The following RORB variants were observed in gnomAD, a reference collection of about 807,000 sequenced individuals.
RORB encodes nuclear receptor ROR-beta.
Under a neutral mutation model 59.1 loss-of-function variants are expected in RORB, and 6 were observed. The ratio of observed to expected loss-of-function variants is 0.10; its 90% CI spans 0.06 to 0.20. RORB has a LOEUF of 0.20. RORB is among the 10% of genes least tolerant of loss of function. The pLI is 1.00. For synonymous variants in RORB, 215 were observed against 204.5 expected, an observed-to-expected ratio of 1.05 and a Z score of -0.44; for missense variants, 320 against 560.5, an observed-to-expected ratio of 0.57 and a Z score of 4.33.
chr9:74,640,712 G>A (rs974601137), intron 3 of RORB, among the ~76,000 whole-genome samples: 1 of 152,166 alleles, frequency 6.6e-6, no homozygotes, highest in East Asian at 1.9e-4. Flanking sequence ...CCAAGTGAAT[G>A]CGACACTTGC....
At chr9:74,575,448 GAAGCCCCC>G (rs1208672801) in intron 1 of RORB, among the ~76,000 whole-genome samples, 2 of 152,072 alleles carry the variant, frequency 1.3e-5, no homozygotes, top group Non-Finnish European at 2.9e-5. Flanking sequence ...AAACTTTTCT[GAAGCCCCC>G]TGAGCAGTAC....
intron 1 of RORB, among the ~76,000 whole-genome samples, chr9:74,564,580 T>C (rs1218122827): frequency 6.6e-6 from 1 of 152,234 alleles, no homozygotes; most frequent in Non-Finnish European, 1.5e-5. Flanking sequence ...GCTCTGTTTT[T>C]CTTCCCCATT....
chr9:74,564,009 C>T (rs1245400133), intron 1 of RORB, among the ~76,000 whole-genome samples: 1 of 152,208 alleles, frequency 6.6e-6, no homozygotes, highest in African/African-American at 2.4e-5. Context: ...GGAGAATAGC[C>T]ACTGCAAAAT....
At chr9:74,531,795 T>C (rs936447915) in intron 1 of RORB, among the ~76,000 whole-genome samples, 6 of 151,950 alleles carry the variant, frequency 3.9e-5, no homozygotes, top group African/African-American at 1.4e-4. Flanking sequence ...ATTTTGAGTG[T>C]AAACATACTA....
chr9:74,632,696 C>T (rs1027753823), intron 2 of RORB, among the ~76,000 whole-genome samples: 1 of 152,112 alleles, frequency 6.6e-6, no homozygotes. Context: ...CTTTTCTGTC[C>T]TGTCAACTCT....
At chr9:74,629,690 C>G (rs927999416) in intron 1 of RORB, among the ~76,000 whole-genome samples, 1 of 152,088 alleles carries the variant, frequency 6.6e-6, no homozygotes, top group Non-Finnish European at 1.5e-5. Context: ...TTATTAGCAT[C>G]ATTAGCATAT....
At chr9:74,634,427 G>GAATA (rs1823669457) in intron 2 of RORB, among the ~76,000 whole-genome samples, 1 of 152,212 alleles carries the variant, frequency 6.6e-6, no homozygotes, top group Non-Finnish European at 1.5e-5. Context: ...ATGGGTAAAT[G>GAATA]AATGATACCC....
intron 1 of RORB, among the ~76,000 whole-genome samples, chr9:74,547,676 C>A (rs755679709): frequency 6.6e-6 from 1 of 151,978 alleles, no homozygotes; most frequent in Non-Finnish European, 1.5e-5. Flanking sequence ...AGGAGACCAC[C>A]CAATATGTTA....
chr9:74,622,555 C>T (rs772426865), intron 1 of RORB, among the ~76,000 whole-genome samples: 4 of 106,340 alleles, frequency 3.8e-5, no homozygotes, highest in Non-Finnish European at 6.9e-5. Flanking sequence ...GAGACAGAGT[C>T]TCGGTCTGTC....
chr9:74,674,821 C>A (rs12348578), intron 9 of RORB, among the ~76,000 whole-genome samples: 1 of 152,094 alleles, frequency 6.6e-6, no homozygotes, highest in Non-Finnish European at 1.5e-5. Context: ...TGATACATAG[C>A]GTATTTATAA....
At chr9:74,623,576 A>G (rs1016593749) in intron 1 of RORB, among the ~76,000 whole-genome samples, 1 of 152,278 alleles carries the variant, frequency 6.6e-6, no homozygotes, top group South Asian at 2.1e-4. Flanking sequence ...CAGTTCTTAC[A>G]GTTGCTAAAA....
rs1824733474 is a variant in RORB, at chr9:74,691,099, C to A, written c.*5481C>A. The A allele has an allele frequency of 6.6e-6, 1 of 152,230 alleles. No individual in the cohort carries two copies. 9.4% of individuals were successfully genotyped at this position (152,230 alleles called of 1,614,324 possible). On this transcript the variant is annotated 3_prime_UTR_variant, in exon 10 of 10. Coordinates refer to ENST00000376896, the MANE Select transcript of RORB (RefSeq NM_006914.4). ...AGCAGATGGGGGTTGTCTGTTTGTG[C>A]ACTTTTTTCCTAAGCTGCTGAAATT...
At chr9:74,658,618 A>T (rs1222471921) in intron 4 of RORB, among the ~76,000 whole-genome samples, 1 of 152,174 alleles carries the variant, frequency 6.6e-6, no homozygotes, top group South Asian at 2.1e-4. Context: ...AACAAACTAC[A>T]CCAAGAAGAT....
intron 9 of RORB, among the ~76,000 whole-genome samples, chr9:74,683,201 C>T (rs7027406): frequency 0.014 from 2,069 of 152,284 alleles, 56 homozygotes; most frequent in African/African-American, 0.048. Flanking sequence ...TTGTAGAAAG[C>T]GTTCAAAGCC....
chr9:74,561,640 A>C (rs1822398103), intron 1 of RORB, among the ~76,000 whole-genome samples: 2 of 152,194 alleles, frequency 1.3e-5, no homozygotes, highest in Admixed American at 6.5e-5. Context: ...AATAGTACAG[A>C]GAGTTCACAC....
intron 3 of RORB, among the ~76,000 whole-genome samples, chr9:74,640,853 G>T (rs1031046676): frequency 6.6e-6 from 1 of 152,196 alleles, no homozygotes; most frequent in Non-Finnish European, 1.5e-5. Flanking sequence ...AATGGGAAAA[G>T]AAAATGAATT....
chr9:74,615,790 A>G (rs1323998820), intron 1 of RORB, among the ~76,000 whole-genome samples: 1 of 152,210 alleles, frequency 6.6e-6, no homozygotes, highest in Non-Finnish European at 1.5e-5. Flanking sequence ...AATGTATATA[A>G]TAAAACAAGT....
rs199910289 is a variant in RORB, at chr9:74,660,683, A to T, written c.704A>T (p.His235Leu). The T allele has an allele frequency of 2.5e-6, 4 of 1,613,906 alleles. No homozygotes were observed. The highest frequency in any genetic ancestry group is 2.5e-6 in the Non-Finnish European group (3 of 1,179,916). Reference sequence around the variant, plus strand: ...TGTCAATACACCATGGAAGAGCTGCACCAGCTGGCGTGGCAGACCCACACC... The same window carrying T: ...TGTCAATACACCATGGAAGAGCTGCTCCAGCTGGCGTGGCAGACCCACACC... ...ETCQYTMEELHQLAWQTHTYE... is the reference protein window; with the variant it reads ...ETCQYTMEELLQLAWQTHTYE... The change falls in exon 5 of 10, where the codon CAC becomes CTC. Residue 235 changes from histidine (H) to leucine (L), a missense_variant. This residue lies in a region of RORB where 40 missense variants were observed against 116.9 expected (regional missense o/e 0.34). Transcript: ENST00000376896.
intron 1 of RORB, among the ~76,000 whole-genome samples, chr9:74,524,113 C>T (rs887369079): frequency 6.8e-6 from 1 of 147,000 alleles, no homozygotes; most frequent in Admixed American, 7.0e-5. Context: ...AAGCTGGAGA[C>T]ATGACCAACC....
Sources: gnomAD v4.1 joint callset for allele counts (sites outside exome capture counted in the v4.1 genomes callset) on GRCh38, gnomAD v4.1.1 for gene constraint, gnomAD v4.1.1 regional missense constraint, MANE v1.5 for transcripts, NCBI Gene and HGNC (gene_info 2026-07-23, HGNC 2026-07-21) for gene names.